Variants in ZBTB20 observed in about 807,000 individuals in gnomAD.
The protein encoded by ZBTB20 is zinc finger and BTB domain-containing protein 20.
ZBTB20 carries 9 observed loss-of-function variants against 56.9 expected under a neutral mutation model. The observed-to-expected ratio is 0.16, with a 90% CI of 0.10 to 0.28. ZBTB20 has a LOEUF of 0.28. Ranked by LOEUF, ZBTB20 falls within the 10% of genes least tolerant of loss-of-function variation. ZBTB20 has a pLI of 1.00. For synonymous variants in ZBTB20, 417 were observed against 420.7 expected (o/e 0.99, Z 0.11); for missense variants, 655 against 1,003.0 (o/e 0.65, Z 4.69).
At chr3:114,906,677 T>G (rs567087599) in intron 3 of ZBTB20, among the ~76,000 whole-genome samples, 1 of 151,524 alleles carries the variant, frequency 6.6e-6, no homozygotes, top group African/African-American at 2.4e-5. Flanking sequence ...AGGGGCTCAC[T>G]ATTGATTAGT....
intron 4 of ZBTB20, among the ~76,000 whole-genome samples, chr3:114,843,686 T>A (rs556452993): frequency 1.1e-4 from 17 of 150,196 alleles, no homozygotes; most frequent in Admixed American, 3.3e-4. Context: ...TATATATATA[T>A]TTTTTTTTGA....
In ZBTB20 at chr3:114,535,311, C is replaced by T. The variant is rs1577358083; in HGVS notation, c.-294-34920G>A. Among the ~76,000 whole-genome samples the T allele has an allele frequency of 2.0e-5, 3 of 152,216 alleles. No individual in the cohort carries two copies. In the East Asian group the frequency reaches 5.8e-4, roughly 29 times the overall value. The stretch of plus-strand genomic sequence containing the variant: ...CAATAAAAAATGATAAAGGGGATAT[C>T]ACCACTGATCCCACAGAAATACAAA... On this transcript the variant is annotated intron_variant, in intron 6 of 11. Coordinates refer to ENST00000675478, the MANE Select transcript of ZBTB20 (RefSeq NM_001348800.3).
At chr3:114,525,221 T>C (rs958320434) in intron 6 of ZBTB20, among the ~76,000 whole-genome samples, 2 of 152,212 alleles carry the variant, frequency 1.3e-5, no homozygotes, top group Admixed American at 1.3e-4. Context: ...AAAAGTTTTG[T>C]TTAATTTGTG....
chr3:115,116,069 T>C (rs893462910), intron 1 of ZBTB20, among the ~76,000 whole-genome samples: 5 of 152,088 alleles, frequency 3.3e-5, no homozygotes, highest in African/African-American at 1.2e-4. Flanking sequence ...TCATCTTTTC[T>C]ATGCTTTTTT....
chr3:114,392,745 T>A (rs894747392), intron 7 of ZBTB20, among the ~76,000 whole-genome samples: 1 of 152,190 alleles, frequency 6.6e-6, no homozygotes, highest in Non-Finnish European at 1.5e-5. Flanking sequence ...TGCCTCTGAG[T>A]CTGTTCAAAT....
intron 6 of ZBTB20, among the ~76,000 whole-genome samples, chr3:114,536,253 T>C (rs2048446634): frequency 6.6e-6 from 1 of 152,206 alleles, no homozygotes; most frequent in Non-Finnish European, 1.5e-5. Context: ...AACTCCATCA[T>C]CTCAGCTCAA....
chr3:114,665,065 G>T (rs2060970293), intron 6 of ZBTB20, among the ~76,000 whole-genome samples: 1 of 152,066 alleles, frequency 6.6e-6, no homozygotes, highest in Admixed American at 6.6e-5. Context: ...TGTGCAGAAA[G>T]GTGCCAGTGC....
chr3:114,674,532 T>C (rs1420190107), intron 6 of ZBTB20, among the ~76,000 whole-genome samples: 2 of 152,206 alleles, frequency 1.3e-5, no homozygotes, highest in African/African-American at 4.8e-5. Flanking sequence ...TATTAACTTG[T>C]AGCCTCAAAG....
intron 7 of ZBTB20, among the ~76,000 whole-genome samples, chr3:114,468,663 T>C (rs2092642716): frequency 6.6e-6 from 1 of 152,334 alleles, no homozygotes. Flanking sequence ...ATTCTGACTT[T>C]TATTCTTTTC....
At chr3:114,969,453 GA>G (rs1331987851) in intron 3 of ZBTB20, among the ~76,000 whole-genome samples, 1 of 152,038 alleles carries the variant, frequency 6.6e-6, no homozygotes, top group African/African-American at 2.4e-5. Context: ...TAAAACAGAT[GA>G]AAAATGAAAG....
In ZBTB20 at chr3:114,446,272, C is replaced by A. The variant is rs573599434; in HGVS notation, c.-255+54080G>T. On this transcript the variant is annotated intron_variant, in intron 7 of 11. Coordinates refer to ENST00000675478, the MANE Select transcript of ZBTB20 (RefSeq NM_001348800.3). ...GGGGTTTCAGACTGAGAATGGATTA[C>A]AGATTGTTCTCTCCTGGTTATTTTT... Among the ~76,000 whole-genome samples the A allele has an allele frequency of 4.1e-4, 63 of 152,192 alleles. No individual in the cohort carries two copies. In the South Asian group the frequency reaches 0.012, roughly 30 times the overall value.
At chr3:114,555,709 C>T (rs150840949) in intron 6 of ZBTB20, among the ~76,000 whole-genome samples, 1 of 152,220 alleles carries the variant, frequency 6.6e-6, no homozygotes, top group African/African-American at 2.4e-5. Context: ...TCCATAGAGG[C>T]CTTATGAATG....
intron 4 of ZBTB20, among the ~76,000 whole-genome samples, chr3:114,877,494 T>C (rs2076243767): frequency 6.6e-6 from 1 of 152,202 alleles, no homozygotes; most frequent in Non-Finnish European, 1.5e-5. Context: ...GGGCAAATCA[T>C]TCATTTTACA....
At chr3:114,993,034 A>G (rs2078882698) in intron 2 of ZBTB20, among the ~76,000 whole-genome samples, 1 of 152,002 alleles carries the variant, frequency 6.6e-6, no homozygotes, top group Non-Finnish European at 1.5e-5. Flanking sequence ...TGAGCTAACC[A>G]TAGGATCAAA....
chr3:114,419,758 A>G (rs1013442077), intron 7 of ZBTB20, among the ~76,000 whole-genome samples: 2 of 152,174 alleles, frequency 1.3e-5, no homozygotes, highest in African/African-American at 2.4e-5. Flanking sequence ...CTGACATACC[A>G]AAGAGAATAA....
intron 10 of ZBTB20, among the ~76,000 whole-genome samples, chr3:114,369,340 C>T (rs2082748386): frequency 6.6e-6 from 1 of 152,050 alleles, no homozygotes; most frequent in African/African-American, 2.4e-5. Context: ...TAGGAGGAAA[C>T]TCATTTTTAG....
rs201419132 is a variant in ZBTB20 at position 114,456,217 on chromosome 3, A to ATATATG, written c.-255+44134_-255+44135insCATATA. Among the ~76,000 whole-genome samples, 564 of 151,452 alleles carry ATATATG rather than the reference A, an allele frequency of 3.7e-3. 4 individuals are homozygous for ATATATG. Among genetic ancestry groups the ATATATG allele is most frequent in the African/African-American group, 0.013 (522 of 41,000 alleles). Reference sequence around the variant, plus strand: ...TTTATGTATATATATATATATGGAGAGAGAGAGAGAGAGACCATTTTGAAT... The same window carrying ATATATG: ...TTTATGTATATATATATATATGGAGATATATGGAGAGAGAGAGAGACCATTTTGAAT... On this transcript the variant is annotated intron_variant, in intron 7 of 11. Coordinates refer to ENST00000675478, the MANE Select transcript of ZBTB20 (RefSeq NM_001348800.3).
At chr3:114,609,815 T>C (rs1373121993) in intron 6 of ZBTB20, among the ~76,000 whole-genome samples, 4 of 152,128 alleles carry the variant, frequency 2.6e-5, no homozygotes, top group African/African-American at 9.7e-5. Flanking sequence ...TTAAACACAG[T>C]GTTTGAAGAT....
intron 1 of ZBTB20, among the ~76,000 whole-genome samples, chr3:115,081,941 T>C (rs1300300502): frequency 6.6e-6 from 1 of 152,140 alleles, no homozygotes; most frequent in Non-Finnish European, 1.5e-5. Context: ...CTGATTGGTG[T>C]CTCTGGAACG....
Sources: gnomAD v4.1 joint callset for allele counts (sites outside exome capture counted in the v4.1 genomes callset) on GRCh38, gnomAD v4.1.1 for gene constraint, MANE v1.5 for transcripts, NCBI Gene and HGNC (gene_info 2026-07-23, HGNC 2026-07-21) for gene names.